HIPK4: variants seen among roughly 807,000 people sequenced by gnomAD.
HIPK4 encodes homeodomain-interacting protein kinase 4.
In HIPK4, 26 loss-of-function variants were observed where a neutral mutation model predicts 44.8. The ratio of observed to expected loss-of-function variants is 0.58; its 90% CI spans 0.43 to 0.80. The LOEUF is 0.80. Among genes scored for constraint, HIPK4 ranks in the 30% least tolerant of loss-of-function variants. HIPK4 has a pLI of 0.00. For missense variants in HIPK4, 729 were observed against 862.6 expected (o/e 0.85, Z 1.94); for synonymous variants, 340 against 355.5 (o/e 0.96, Z 0.49).
At position 40,380,051 on chromosome 19, in the gene HIPK4, C is replaced by G. The variant is rs2145714763; in HGVS notation, c.1668+272G>C. Among the ~76,000 whole-genome samples the G allele has an allele frequency of 6.6e-6, 1 of 152,266 alleles. No homozygotes were observed. The highest frequency in any genetic ancestry group is 1.5e-5 in the Non-Finnish European group (1 of 68,026). On this transcript the variant is annotated intron_variant, in intron 3 of 3. Transcript: ENST00000291823. This position sits in a 1 kb window ranked among gnomAD's most constrained non-coding sequence, Gnocchi z 4.2. ...ATTTTTTGGTGCAGACGGGATCTCA[C>G]TATGTTGCCCAGGCTCTTTATCAAG...
chr19:40,383,761 C>T (rs1465360790), intron 2 of HIPK4, 22 bp downstream of exon 2: 1 of 1,577,726 alleles, frequency 6.3e-7, no homozygotes, highest in South Asian at 1.1e-5. Context: ...CACTGACTGC[C>T]CTCACCCAAC....
intron 2 of HIPK4, among the ~76,000 whole-genome samples, chr19:40,382,197 G>A (rs1219568552): frequency 2.0e-5 from 3 of 151,828 alleles, no homozygotes; most frequent in African/African-American, 7.3e-5. Flanking sequence ...CCAACTCCTG[G>A]GTTCAAGTGA....
intron 2 of HIPK4, among the ~76,000 whole-genome samples, chr19:40,382,142 G>A (rs967152687): frequency 2.6e-5 from 4 of 151,874 alleles, no homozygotes; most frequent in Admixed American, 6.6e-5. Flanking sequence ...TTGCTGTGTC[G>A]CCCAGACTGG....
chr19:40,387,863 G>A (rs555586846), intron 1 of HIPK4, among the ~76,000 whole-genome samples: 4 of 151,470 alleles, frequency 2.6e-5, no homozygotes, highest in African/African-American at 9.7e-5. Context: ...AGACAGAGTC[G>A]AGCTCTGTCG....
intron 1 of HIPK4, among the ~76,000 whole-genome samples, 154 bp from the exon 2 acceptor site, chr19:40,384,293 T>TTTTGTTTG (rs550867697): frequency 3.3e-5 from 5 of 151,888 alleles, no homozygotes; most frequent in African/African-American, 1.2e-4. Context: ...CTTTGTTGGT[T>TTTTGTTTG]TTTGTTTGTT....
intron 1 of HIPK4, among the ~76,000 whole-genome samples, chr19:40,385,562 C>CA (rs1410561268): frequency 4.7e-5 from 7 of 148,160 alleles, no homozygotes; most frequent in African/African-American, 7.4e-5. Context: ...AAAGGCAGGA[C>CA]AAAAAAAAAT....
chr19:40,379,843 C>A, intron 3 of HIPK4, 74 bp from the exon 4 acceptor site: 6 of 1,436,734 alleles, frequency 4.2e-6, no homozygotes, highest in Non-Finnish European at 5.7e-6. Context: ...CTGTCACCTC[C>A]TCCTGATGAG....
intron 1 of HIPK4, among the ~76,000 whole-genome samples, chr19:40,387,085 G>C (rs1436229141): frequency 6.6e-6 from 1 of 151,966 alleles, no homozygotes; most frequent in Non-Finnish European, 1.5e-5. Context: ...GAACTCCTGG[G>C]CTCTAGTAAT....
intron 1 of HIPK4, among the ~76,000 whole-genome samples, chr19:40,386,181 T>C (rs749825191): frequency 2.6e-5 from 4 of 152,230 alleles, no homozygotes; most frequent in Middle Eastern, 3.4e-3. Flanking sequence ...GTGATTCTCC[T>C]GCCTCAGCCT....
Position 40,380,945 on chromosome 19 carries a change from A to G in HIPK4, c.1046T>C (p.Met349Thr). The change falls in exon 3 of 4, where the codon ATG (methionine) becomes ACG (threonine). Residue 349 changes from methionine (M) to threonine (T), a missense_variant. Around this residue, in one of 2 missense-constraint regions of HIPK4, gnomAD observed 533 missense variants for 567.5 expected, o/e 0.94. Transcript: ENST00000291823. This position sits in a 1 kb window ranked among gnomAD's most constrained non-coding sequence, Gnocchi z 4.2. ...SAALRHPFVS[M>T]QQLRSAHETT... ...CTCGTGGGCACTGCGCAGCTGCTGC[A>G]TGGACACGAAGGGGTGGCGCAGGGC... 1 of 1,611,208 alleles carries G rather than the reference A, an allele frequency of 6.2e-7. No individual in the cohort carries two copies. The highest frequency in any genetic ancestry group is 2.2e-5 in the East Asian group (1 of 44,798).
intron 1 of HIPK4, among the ~76,000 whole-genome samples, chr19:40,387,343 A>G (rs531948977): frequency 6.8e-4 from 103 of 152,178 alleles, no homozygotes; most frequent in Non-Finnish European, 1.1e-3. Context: ...GGCCTTTGAC[A>G]CATGACAGGT....
rs758337853 is a variant in HIPK4, at chr19:40,381,177, G to A, written c.823-9C>T. The A allele has an allele frequency of 6.3e-7, 1 of 1,586,270 alleles. No individual in the cohort carries two copies. The highest frequency in any genetic ancestry group is 1.7e-5 in the Admixed American group (1 of 59,544). On this transcript the variant is annotated splice_polypyrimidine_tract_variant and intron_variant, in intron 2 of 3. Transcript: ENST00000291823. ...CGCTCCAATGGGCGCACCTGGCGGG[G>A]CATGGAGAAGGGGGCAGGGTTGACC... is the stretch of plus-strand genomic sequence containing the variant.
Position 40,389,723 on chromosome 19 carries a change from G to T in HIPK4, c.180C>A (p.His60Gln), listed in dbSNP as rs765716221. The T allele has an allele frequency of 1.2e-6, 2 of 1,614,116 alleles. No individual in the cohort carries two copies. The highest frequency in any genetic ancestry group is 2.7e-5 in the African/African-American group (2 of 74,930). Residue 60 changes from histidine (H) to glutamine (Q), a missense_variant, in exon 1 of 4, where the codon CAC becomes CAA. His to Gln is a conservative substitution (Grantham distance 24, BLOSUM62 0). Around this residue, in one of 2 missense-constraint regions of HIPK4, gnomAD observed 196 missense variants for 295.1 expected, o/e 0.66. Transcript: ENST00000291823. This position sits in a 1 kb window ranked among gnomAD's most constrained non-coding sequence, Gnocchi z 4.6. ...RIIKNELKLLHCMRGLDPEEA... is the reference protein window; with the variant it reads ...RIIKNELKLLQCMRGLDPEEA... ...CTTCAGGGTCTAGGCCTCGCATGCAGTGCAGCAGCTTCAGCTCGTTCTTGA... is the reference window on the plus strand; with the variant it reads ...CTTCAGGGTCTAGGCCTCGCATGCATTGCAGCAGCTTCAGCTCGTTCTTGA...
intron 3 of HIPK4, 47 bp from the exon 4 acceptor site, chr19:40,379,816 T>C (rs775683976): frequency 2.5e-6 from 4 of 1,569,232 alleles, no homozygotes; most frequent in Non-Finnish European, 3.5e-6. Flanking sequence ...GTTAGTGTAT[T>C]AGTGTCTGCT....
At position 40,381,152 on chromosome 19, in the gene HIPK4, C is replaced by T. The variant is rs773591468; in HGVS notation, c.839G>A (p.Arg280His). ...LAETKVRPLE[R>H]RKYMLKSLDQ... is the part of the protein sequence containing the mutation. ...CAACGACTTGAGCATATACTTGCGG[C>T]GCTCCAATGGGCGCACCTGGCGGGG... Residue 280 changes from arginine (R) to histidine (H), a missense_variant, in exon 3 of 4, where the codon CGC becomes CAC. By Grantham distance (29) the Arg-to-His change is conservative (BLOSUM62 0). Coordinates refer to ENST00000291823, the MANE Select transcript of HIPK4 (RefSeq NM_144685.5). The T allele has an allele frequency of 9.4e-6, 15 of 1,597,792 alleles. No individual in the cohort carries two copies. The highest frequency in any genetic ancestry group is 5.0e-5 in the Admixed American group (3 of 59,898).
chr19:40,384,660 A>G (rs1243287953), intron 1 of HIPK4, among the ~76,000 whole-genome samples: 2 of 142,992 alleles, frequency 1.4e-5, no homozygotes, highest in Non-Finnish European at 3.0e-5. Context: ...CGCCCAGGCT[A>G]AAGTGCAGTG....
At chr19:40,385,225 G>C (rs916343034) in intron 1 of HIPK4, among the ~76,000 whole-genome samples, 3 of 152,122 alleles carry the variant, frequency 2.0e-5, no homozygotes, top group Admixed American at 6.6e-5. Context: ...CATCCAGAGG[G>C]ATCCTGTGGC....
chr19:40,384,357 G>A (rs970680108), intron 1 of HIPK4, among the ~76,000 whole-genome samples: 1 of 152,130 alleles, frequency 6.6e-6, no homozygotes, highest in Non-Finnish European at 1.5e-5. Context: ...AGTCTGGAGT[G>A]CAATGGCACG....
intron 1 of HIPK4, among the ~76,000 whole-genome samples, chr19:40,387,142 ACT>A (rs376034574): frequency 2.0e-3 from 297 of 152,158 alleles, no homozygotes; most frequent in African/African-American, 6.9e-3. Context: ...GGCATGAGCC[ACT>A]GTGCCTGGCC....
Sources: allele counts gnomAD v4.1 joint callset (sites outside exome capture counted in the v4.1 genomes callset), GRCh38; gene constraint gnomAD v4.1.1; regional missense constraint gnomAD v4.1.1; non-coding constraint Gnocchi (gnomAD v3.1); transcripts MANE v1.5; gene names NCBI Gene and HGNC (gene_info 2026-07-23, HGNC 2026-07-21).